Variants in EYS observed in about 807,000 individuals in gnomAD.
The protein encoded by EYS is EGF-like photoreceptor maintenance factor.
Under a neutral mutation model 282.1 loss-of-function variants are expected in EYS, and 250 were observed. The ratio of observed to expected loss-of-function variants is 0.89; its 90% CI spans 0.80 to 0.98. The LOEUF is 0.98. Among genes scored for constraint, EYS ranks in the 50% least tolerant of loss-of-function variants. The pLI is 0.00. For missense variants in EYS, 4,016 were observed against 3,709.0 expected (o/e 1.08, Z -2.15); for synonymous variants, 1,355 against 1,282.9 (o/e 1.06, Z -1.20).
chr6:65,548,628 C>T (rs1253235183), intron 2 of EYS, among the ~76,000 whole-genome samples: 2 of 152,150 alleles, frequency 1.3e-5, no homozygotes, highest in African/African-American at 4.8e-5. Context: ...CACTTATCTC[C>T]ACCTCTTCTC....
chr6:64,168,387 G>T (rs1427973719), intron 31 of EYS, among the ~76,000 whole-genome samples: 1 of 152,156 alleles, frequency 6.6e-6, no homozygotes, highest in African/African-American at 2.4e-5. Context: ...AAACAGCTGG[G>T]CAAATTCTTA....
chr6:65,605,239 A>G (rs148086269), intron 2 of EYS, among the ~76,000 whole-genome samples: 10 of 152,116 alleles, frequency 6.6e-5, no homozygotes, highest in African/African-American at 2.4e-4. Flanking sequence ...TACCAATTAA[A>G]AATTGCATTG....
At chr6:64,702,466 G>C (rs1026368008) in intron 22 of EYS, among the ~76,000 whole-genome samples, 6 of 151,960 alleles carry the variant, frequency 3.9e-5, no homozygotes, top group African/African-American at 1.4e-4. Flanking sequence ...ATATCTATAT[G>C]TTACATAAAT....
chr6:65,054,910 G>A (rs1386661582), intron 13 of EYS, among the ~76,000 whole-genome samples: 2 of 151,918 alleles, frequency 1.3e-5, no homozygotes, highest in Admixed American at 1.3e-4. Context: ...TTCATGCTTT[G>A]CAAATTCTGT....
intron 35 of EYS, among the ~76,000 whole-genome samples, chr6:63,956,104 T>A (rs2149770652): frequency 1.8e-5 from 2 of 112,752 alleles, no homozygotes; most frequent in East Asian, 4.9e-4. Context: ...CAATTTTCAC[T>A]GCCCCAACAC....
chr6:63,998,672 C>A (rs1227253567), intron 34 of EYS, among the ~76,000 whole-genome samples: 5 of 152,000 alleles, frequency 3.3e-5, no homozygotes, highest in African/African-American at 1.2e-4. Context: ...CTGGCCAATG[C>A]AAATCTGGAA....
At chr6:64,559,797 GT>G (rs1288233688) in intron 26 of EYS, among the ~76,000 whole-genome samples, 1 of 151,968 alleles carries the variant, frequency 6.6e-6, no homozygotes, top group African/African-American at 2.4e-5. Context: ...ACATGTGCAG[GT>G]TTGTTATATA....
intron 36 of EYS, among the ~76,000 whole-genome samples, chr6:63,819,516 C>T (rs528203076): frequency 1.6e-4 from 25 of 152,290 alleles, no homozygotes; most frequent in African/African-American, 5.5e-4. Context: ...TATAGCACCA[C>T]GTGTCAGTTA....
chr6:64,431,859 G>C (rs1252423322), intron 28 of EYS, among the ~76,000 whole-genome samples: 1 of 151,996 alleles, frequency 6.6e-6, no homozygotes, highest in Non-Finnish European at 1.5e-5. Flanking sequence ...TTAATATAAT[G>C]ACATTCAGGC....
At chr6:64,849,149 A>G (rs1175306171) in intron 19 of EYS, among the ~76,000 whole-genome samples, 1 of 152,014 alleles carries the variant, frequency 6.6e-6, no homozygotes, top group African/African-American at 2.4e-5. Flanking sequence ...GTCACAATAC[A>G]TTTAAAAACA....
chr6:64,403,568 A>G (rs1165525919), intron 28 of EYS, among the ~76,000 whole-genome samples: 3 of 152,144 alleles, frequency 2.0e-5, no homozygotes, highest in African/African-American at 7.2e-5. Context: ...CATATTGGCC[A>G]GGCTGGTCTC....
intron 29 of EYS, among the ~76,000 whole-genome samples, chr6:64,348,458 T>C (rs1208876090): frequency 2.9e-5 from 1 of 34,874 alleles, no homozygotes; most frequent in African/African-American, 1.0e-4. Flanking sequence ...GGAAGTAACT[T>C]TCAGATATGT....
intron 1 of EYS, among the ~76,000 whole-genome samples, chr6:65,664,854 T>A (rs1023698418): frequency 2.6e-5 from 4 of 152,130 alleles, no homozygotes; most frequent in African/African-American, 9.7e-5. Context: ...GGCAAAATAT[T>A]GAGGTTAAAA....
At chr6:64,766,631 C>CAAAAAAAAAA (rs1173014436) in intron 22 of EYS, among the ~76,000 whole-genome samples, 5 of 14,840 alleles carry the variant, frequency 3.4e-4, no homozygotes, top group African/African-American at 8.2e-4. Flanking sequence ...AACTCCGTCT[C>CAAAAAAAAAA]AAAAAAAAAA....
chr6:64,242,607 C>T (rs981610117), intron 30 of EYS, among the ~76,000 whole-genome samples: 14 of 151,768 alleles, frequency 9.2e-5, no homozygotes, highest in Admixed American at 5.3e-4. Context: ...TTTTCCAATT[C>T]AAAGTATTCA....
chr6:64,718,866 A>C (rs1363966560), intron 22 of EYS, among the ~76,000 whole-genome samples: 1 of 152,224 alleles, frequency 6.6e-6, no homozygotes, highest in Non-Finnish European at 1.5e-5. Flanking sequence ...TCCACACACT[A>C]ATCTCTGGAA....
chr6:65,368,431 G>T (rs1020874837), intron 8 of EYS, among the ~76,000 whole-genome samples: 3 of 151,380 alleles, frequency 2.0e-5, no homozygotes, highest in African/African-American at 7.3e-5. Context: ...CTTTATTATT[G>T]TTTGCTGCCT....
intron 29 of EYS, among the ~76,000 whole-genome samples, chr6:64,327,448 C>A (rs1054066977): frequency 6.6e-6 from 1 of 152,074 alleles, no homozygotes; most frequent in South Asian, 2.1e-4. Context: ...ACTGAGGACC[C>A]TTTGTGAGAT....
At chr6:64,996,063 A>C (rs1039901957) in intron 14 of EYS, among the ~76,000 whole-genome samples, 1 of 152,130 alleles carries the variant, frequency 6.6e-6, no homozygotes, top group Admixed American at 6.5e-5. Flanking sequence ...TAATTACATT[A>C]TGGATGTGTA....
Sources: allele counts gnomAD v4.1 joint callset (sites outside exome capture counted in the v4.1 genomes callset), GRCh38; gene constraint gnomAD v4.1.1; transcripts MANE v1.5; gene names NCBI Gene and HGNC (gene_info 2026-07-23, HGNC 2026-07-21).